The following JAKMIP1 variants were observed in gnomAD, a reference collection of about 807,000 sequenced individuals.
JAKMIP1 encodes the protein janus kinase and microtubule-interacting protein 1.
Under a neutral mutation model 113.0 loss-of-function variants are expected in JAKMIP1, and 33 were observed. The observed-to-expected ratio is 0.29, with a 90% CI of 0.22 to 0.39. The LOEUF (loss-of-function observed/expected upper bound fraction) is 0.39. Among genes scored for constraint, JAKMIP1 ranks in the 10% least tolerant of loss-of-function variants. The pLI is 1.00. For synonymous variants in JAKMIP1, 480 were observed against 459.9 expected (o/e 1.04, Z -0.56); for missense variants, 813 against 1,080.5 (o/e 0.75, Z 3.47).
chr4:6,166,373 T>A (rs1389662982), intron 1 of JAKMIP1, among the ~76,000 whole-genome samples: 9 of 151,772 alleles, frequency 5.9e-5, no homozygotes, highest in Admixed American at 2.6e-4. Flanking sequence ...AGGTCGGGAG[T>A]GGCCCAGGCC....
At chr4:6,161,716 TG>T (rs1722983892) in intron 1 of JAKMIP1, among the ~76,000 whole-genome samples, 1 of 152,072 alleles carries the variant, frequency 6.6e-6, no homozygotes. Context: ...TGAGCAGGAC[TG>T]TGTCCTCATT....
rs944471726 is a variant in JAKMIP1, at chr4:6,135,909, G to C, written c.-147-22912C>G. Among the ~76,000 whole-genome samples, 2 of 151,274 alleles carry C rather than the reference G, an allele frequency of 1.3e-5. No homozygotes were observed. The highest frequency in any genetic ancestry group is 2.9e-5 in the Non-Finnish European group (2 of 67,838). ...CTTAAGAAATGGTGGGGGGAGAGGT[G>C]GGGGGGGACAGCAAAAATAAGGAGT... On this transcript the variant is annotated intron_variant, in intron 1 of 20. Transcript: ENST00000409021. This position sits in a 1 kb window ranked among gnomAD's most constrained non-coding sequence, Gnocchi z 4.9.
At chr4:6,117,100 C>T (rs1383204753) in intron 1 of JAKMIP1, among the ~76,000 whole-genome samples, 2 of 152,140 alleles carry the variant, frequency 1.3e-5, no homozygotes, top group African/African-American at 2.4e-5. Context: ...CTCGTGTGCC[C>T]GTGAAGCTGG....
rs535084791 is a variant in JAKMIP1 at position 6,086,038 on chromosome 4, C to T, written c.625-409G>A. ...CCTCTCAGTCATTGACCCTCTCCTG[C>T]CTGGCCACAACTCCCCAACCCTCAC... On this transcript the variant is annotated intron_variant, in intron 3 of 20. Transcript: ENST00000409021. The surrounding 1 kb of genome is among the most constrained non-coding windows in gnomAD (Gnocchi z 4.1). Among the ~76,000 whole-genome samples, 126 of 152,170 alleles carry T rather than the reference C, an allele frequency of 8.3e-4. No homozygotes were observed. Among genetic ancestry groups the T allele is most frequent in the Admixed American group, 4.2e-3 (64 of 15,288 alleles).
Position 6,154,120 on chromosome 4 carries a change from G to A in JAKMIP1, c.-147-41123C>T, listed in dbSNP as rs1578402026. ...GCCTATGGTGAGAAGGCACAGGCTT[G>A]TGTCCTGCAGAGCTGATAAACCCTG... On this transcript the variant is annotated intron_variant, in intron 1 of 20. Transcript: ENST00000409021. This position sits in a 1 kb window ranked among gnomAD's most constrained non-coding sequence, Gnocchi z 4.2. Among the ~76,000 whole-genome samples, 1 of 152,214 alleles carries A rather than the reference G, an allele frequency of 6.6e-6. No homozygotes were observed. Among genetic ancestry groups the A allele is most frequent in the African/African-American group, 2.4e-5 (1 of 41,432 alleles).
chr4:6,180,663 T>C lies in JAKMIP1; in HGVS notation c.-148+19590A>G, dbSNP rs548244527. Among the ~76,000 whole-genome samples the C allele has an allele frequency of 5.9e-5, 9 of 152,176 alleles. No individual in the cohort carries two copies. The highest frequency in any genetic ancestry group is 1.2e-4 in the Non-Finnish European group (8 of 68,018). ...GACAAGGGTATTCTTAGTACCCCCA[T>C]TTTAATGGACCAGCAGGAAGGGGTG... On this transcript the variant is annotated intron_variant, in intron 1 of 20. Coordinates refer to ENST00000409021, the MANE Select transcript of JAKMIP1 (RefSeq NM_001099433.2). The surrounding 1 kb of genome is among the most constrained non-coding windows in gnomAD (Gnocchi z 4.5).
intron 8 of JAKMIP1, 123 bp downstream of exon 8, chr4:6,078,816 A>C (rs1720060089): frequency 1.2e-6 from 1 of 827,598 alleles, no homozygotes; most frequent in African/African-American, 1.7e-5. Flanking sequence ...ATCATCAGGC[A>C]TGCAGAGATG....
chr4:6,026,311 A>G (rs747979500), intron 20 of JAKMIP1, 33 bp from the exon 21 acceptor site: 1 of 1,083,500 alleles, frequency 9.2e-7, no homozygotes, highest in Non-Finnish European at 1.4e-6. Context: ...AATGAGGAAA[A>G]GAGAAGAAAA....
rs997485242 is a variant in JAKMIP1, at chr4:6,116,462, G to A, written c.-147-3465C>T. Among the ~76,000 whole-genome samples, 4 of 152,132 alleles carry A rather than the reference G, an allele frequency of 2.6e-5. No homozygotes were observed. Among genetic ancestry groups the A allele is most frequent in the East Asian group, 3.9e-4 (2 of 5,174 alleles). On this transcript the variant is annotated intron_variant, in intron 1 of 20. Transcript: ENST00000409021. The surrounding 1 kb of genome is among the most constrained non-coding windows in gnomAD (Gnocchi z 5.1). ...TGACTGCTCAGGACACACAGGAGGC[G>A]GAGTCCTCAGAGAAGGCTCCTTCCT...
At position 6,188,714 on chromosome 4, in the gene JAKMIP1, CCAG is replaced by C. The variant is rs1726906419; in HGVS notation, c.-148+11536_-148+11538del. 1.3e-5 allele frequency among the ~76,000 whole-genome samples: 2 copies of C among 152,170 alleles called. No individual in the cohort carries two copies. Among genetic ancestry groups the C allele is most frequent in the Admixed American group, 1.3e-4 (2 of 15,278 alleles). On this transcript the variant is annotated intron_variant, in intron 1 of 20. Transcript: ENST00000409021. The surrounding 1 kb of genome is among the most constrained non-coding windows in gnomAD (Gnocchi z 5.8). ...AGCACCCCAATTTTTAATATCCTAT[CCAG>C]CAATAAGACTTGTTTGTGTCTTCAG...
rs1311473780 is a variant in JAKMIP1 at position 6,042,550 on chromosome 4, T to C, written c.2029-323A>G. Among the ~76,000 whole-genome samples, 1 of 152,018 alleles carries C rather than the reference T, an allele frequency of 6.6e-6. No homozygotes were observed. Among genetic ancestry groups the C allele is most frequent in the African/African-American group, 2.4e-5 (1 of 41,372 alleles). ...AGTGGTGTGGTATAGCTGATGTCAATGAGTGCCTGCTCTGTGCTGATGCTT... is the reference window on the plus strand; with the variant it reads ...AGTGGTGTGGTATAGCTGATGTCAACGAGTGCCTGCTCTGTGCTGATGCTT... On this transcript the variant is annotated intron_variant, in intron 16 of 20. Transcript: ENST00000409021. This position sits in a 1 kb window ranked among gnomAD's most constrained non-coding sequence, Gnocchi z 5.2.
At chr4:6,041,970 G>A (rs866116291) in intron 17 of JAKMIP1, among the ~76,000 whole-genome samples, 189 bp downstream of exon 17, 2 of 152,170 alleles carry the variant, frequency 1.3e-5, no homozygotes, top group Non-Finnish European at 2.9e-5. Flanking sequence ...ATATGTATTC[G>A]ATGAGTAATT....
chr4:6,072,251 T>C (rs1251891175), intron 8 of JAKMIP1, among the ~76,000 whole-genome samples: 1 of 152,330 alleles, frequency 6.6e-6, no homozygotes, highest in East Asian at 1.9e-4. Flanking sequence ...CTTTAAATAT[T>C]GAACCCCTCA....
chr4:6,041,528 C>G (rs1015092984), intron 17 of JAKMIP1, among the ~76,000 whole-genome samples: 1 of 152,178 alleles, frequency 6.6e-6, no homozygotes, highest in African/African-American at 2.4e-5. Flanking sequence ...TTCTGGGAAG[C>G]CTTCTCTGTC....
At chr4:6,030,340 A>G (rs775702503) in intron 19 of JAKMIP1, among the ~76,000 whole-genome samples, 2 of 152,078 alleles carry the variant, frequency 1.3e-5, no homozygotes, top group Non-Finnish European at 2.9e-5. Context: ...AGCACGTGGT[A>G]CCAGGGTGAC....
rs1370801327 is a variant in JAKMIP1, at chr4:6,142,294, G to A, written c.-147-29297C>T. ...CACTGGCCAAACGCTGCAAAGTTTC[G>A]AAGAGGCTCGTACCCATGTATGCCC... is the stretch of plus-strand genomic sequence containing the variant. On this transcript the variant is annotated intron_variant, in intron 1 of 20. Transcript: ENST00000409021. The surrounding 1 kb of genome is among the most constrained non-coding windows in gnomAD (Gnocchi z 5.5). Among the ~76,000 whole-genome samples, 7 of 152,080 alleles carry A rather than the reference G, an allele frequency of 4.6e-5. No individual in the cohort carries two copies. Among genetic ancestry groups the A allele is most frequent in the Non-Finnish European group, 1.0e-4 (7 of 68,014 alleles).
chr4:6,050,668 CCT>C lies in JAKMIP1; in HGVS notation c.1816_1817del (p.Arg606GlufsTer6). On this transcript the variant is annotated frameshift_variant, in exon 14 of 21. Transcript: ENST00000409021. LOFTEE classifies it high-confidence loss of function. The surrounding 1 kb of genome is among the most constrained non-coding windows in gnomAD (Gnocchi z 7.4). The stretch of plus-strand genomic sequence containing the variant: ...TTTGGAGGTTAAATGCTGGCGACCT[CCT>C]CTCTCTCTCCTGGGGAAAAGATTCG... ...FRVLELEERERRSPAFNLQIT... is the reference protein window; with the variant it reads ...FRVLELEEREXRSPAFNLQIT... 4 of 1,560,492 alleles carry C rather than the reference CCT, an allele frequency of 2.6e-6. No individual in the cohort carries two copies. The highest frequency in any genetic ancestry group is 2.6e-6 in the Non-Finnish European group (3 of 1,151,356).
At chr4:6,099,044 T>C (rs1712562148) in intron 3 of JAKMIP1, among the ~76,000 whole-genome samples, 1 of 152,248 alleles carries the variant, frequency 6.6e-6, no homozygotes, top group Non-Finnish European at 1.5e-5. Context: ...TAATATCCCA[T>C]TGACTAAATA....
chr4:6,092,754 T>C (rs1722264134), intron 3 of JAKMIP1, among the ~76,000 whole-genome samples: 1 of 152,256 alleles, frequency 6.6e-6, no homozygotes, highest in Middle Eastern at 3.4e-3. Flanking sequence ...CATCATCACA[T>C]GCATGGGAGA....
Sources: gnomAD v4.1 joint callset for allele counts (sites outside exome capture counted in the v4.1 genomes callset) on GRCh38, gnomAD v4.1.1 for gene constraint, Gnocchi (gnomAD v3.1) non-coding constraint, MANE v1.5 for transcripts, NCBI Gene and HGNC (gene_info 2026-07-23, HGNC 2026-07-21) for gene names.